The following DCX variants were observed in gnomAD, a reference collection of about 807,000 sequenced individuals.
The protein encoded by DCX is doublecortin, also known as neuronal migration protein doublecortin.
DCX carries 4 observed loss-of-function variants against 20.9 expected under a neutral mutation model. The ratio of observed to expected loss-of-function variants is 0.19; its 90% confidence interval spans 0.09 to 0.44. DCX has a LOEUF of 0.44. Ranked by LOEUF, DCX falls within the 20% of genes least tolerant of loss-of-function variation. DCX has a pLI of 0.99. For synonymous variants in DCX, 103 were observed against 111.4 expected (o/e 0.92, Z 0.47); for missense variants, 133 against 296.9 (o/e 0.45, Z 4.06).
At chrX:111,384,743 G>A (rs973878615) in intron 3 of DCX, among the ~76,000 whole-genome samples, 1 of 111,797 alleles carries the variant, frequency 8.9e-6, no homozygotes, top group Non-Finnish European at 1.9e-5. Context: ...CTGATGTCTG[G>A]GACTCTTGCC....
intron 5 of DCX, among the ~76,000 whole-genome samples, chrX:111,327,978 G>A (rs768974965): frequency 4.5e-5 from 5 of 112,331 alleles, no homozygotes; most frequent in Admixed American, 1.9e-4. Context: ...AAACATTCTG[G>A]CAATTGCCAT....
chrX:111,328,456 T>C (rs1400111685), intron 5 of DCX, among the ~76,000 whole-genome samples: 1 of 111,881 alleles, frequency 8.9e-6, no homozygotes, highest in Non-Finnish European at 1.9e-5. Context: ...TTATAGGTAG[T>C]TGTGTTCATG....
intron 4 of DCX, 83 bp downstream of exon 4, chrX:111,332,968 C>T: frequency 1.4e-6 from 1 of 730,695 alleles, no homozygotes; most frequent in Non-Finnish European, 2.1e-6. Flanking sequence ...TAGATGTTTT[C>T]CACACCATAC....
chrX:111,391,525 C>T (rs935700825), intron 3 of DCX, among the ~76,000 whole-genome samples: 8 of 111,185 alleles, frequency 7.2e-5, no homozygotes, highest in Non-Finnish European at 1.3e-4. Flanking sequence ...TGTGTCTGCC[C>T]GGCACCTTAC....
At chrX:111,390,981 G>A (rs942022668) in intron 3 of DCX, among the ~76,000 whole-genome samples, 2 of 93,873 alleles carry the variant, frequency 2.1e-5, no homozygotes, top group Non-Finnish European at 4.2e-5. Flanking sequence ...ATTCCAGTCT[G>A]GGCAATAGTG....
chrX:111,357,520 G>C (rs953929875), intron 3 of DCX, among the ~76,000 whole-genome samples: 3 of 112,021 alleles, frequency 2.7e-5, no homozygotes, highest in African/African-American at 6.5e-5. Flanking sequence ...GCTCACACCT[G>C]TAATCCTAGC....
chrX:111,345,442 C>T (rs1922717448), intron 3 of DCX, among the ~76,000 whole-genome samples: 1 of 111,841 alleles, frequency 8.9e-6, no homozygotes, highest in Non-Finnish European at 1.9e-5. Flanking sequence ...AAACTATCAT[C>T]AGAGTGAACA....
At chrX:111,354,825 C>T (rs748728246) in intron 3 of DCX, among the ~76,000 whole-genome samples, 10 of 112,749 alleles carry the variant, frequency 8.9e-5, no homozygotes, top group African/African-American at 3.2e-4. Context: ...TTTATAGCAG[C>T]AGGACAACCT....
chrX:111,298,314 A>C lies in DCX; in HGVS notation c.*3373T>G, dbSNP rs944435241. 5.4e-5 allele frequency: 6 copies of C among 111,587 alleles called. No homozygotes were observed. The Admixed American group carries it at 5.7e-4, about 11-fold the overall frequency. The allele number at this position is 111,587 out of a possible 1,213,427, so 9.2% of individuals were successfully genotyped here. A position where few individuals can be genotyped will look rare whatever the true frequency, so the allele number is the denominator to read the frequency against. On this transcript the variant is annotated 3_prime_UTR_variant, in exon 7 of 7. Transcript: ENST00000636035. ...TCAGATGGACAAGGCCAGGGACCCC[A>C]TTGCTCCTATTGGCCCTCAATGCCT...
intron 6 of DCX, among the ~76,000 whole-genome samples, chrX:111,304,323 A>T (rs2095040308): frequency 8.9e-6 from 1 of 112,287 alleles, no homozygotes; most frequent in South Asian, 3.7e-4. Flanking sequence ...CTTTTTCAGG[A>T]CTCTAAAAAT....
chrX:111,399,284 A>G (rs1025898388), intron 3 of DCX, among the ~76,000 whole-genome samples: 3 of 111,363 alleles, frequency 2.7e-5, no homozygotes, highest in Non-Finnish European at 5.6e-5. Context: ...TTTAATCCTC[A>G]TAAGAGTCCT....
chrX:111,374,639 C>T (rs1925382041), intron 3 of DCX, among the ~76,000 whole-genome samples: 1 of 110,322 alleles, frequency 9.1e-6, no homozygotes, highest in South Asian at 3.9e-4. Flanking sequence ...TGACAGGCAG[C>T]AGGAAGGGAA....
chrX:111,330,689 G>A (rs1002358729), intron 5 of DCX, among the ~76,000 whole-genome samples: 14 of 112,134 alleles, frequency 1.2e-4, no homozygotes, highest in Admixed American at 3.8e-4. Flanking sequence ...TAGACAATGG[G>A]CCAGGCTTCT....
At chrX:111,343,150 T>A (rs192313376) in intron 3 of DCX, among the ~76,000 whole-genome samples, 3,414 of 102,216 alleles carry the variant, frequency 0.033, 148 homozygotes, top group African/African-American at 0.12. Flanking sequence ...TTTTTTTTTT[T>A]AATTAACAAA....
chrX:111,345,861 CA>C (rs1276857476), intron 3 of DCX, among the ~76,000 whole-genome samples: 1 of 111,922 alleles, frequency 8.9e-6, no homozygotes, highest in Non-Finnish European at 1.9e-5. Context: ...TTCCCACCAA[CA>C]GCGTAAAAGC....
At chrX:111,402,807 GTGTGTGTGTGTGT>G (rs1927913519) in intron 2 of DCX, among the ~76,000 whole-genome samples, 1 of 107,249 alleles carries the variant, frequency 9.3e-6, no homozygotes, top group Non-Finnish European at 1.9e-5. Flanking sequence ...GTGTGTGTGT[GTGTGTGTGTGTGT>G]GCGGAGGGGG....
intron 3 of DCX, among the ~76,000 whole-genome samples, chrX:111,366,197 C>T (rs926379403): frequency 6.3e-5 from 7 of 111,987 alleles, no homozygotes; most frequent in African/African-American, 2.3e-4. Context: ...GCCTTGATAA[C>T]CTGACCTTGC....
intron 3 of DCX, among the ~76,000 whole-genome samples, chrX:111,344,742 G>A (rs36142413): frequency 9.0e-6 from 1 of 111,382 alleles, no homozygotes; most frequent in Non-Finnish European, 1.9e-5. Context: ...AAATAAGAGA[G>A]GACACAAACA....
intron 3 of DCX, among the ~76,000 whole-genome samples, chrX:111,338,376 G>A (rs765517821): frequency 6.3e-5 from 7 of 111,864 alleles, no homozygotes; most frequent in African/African-American, 1.6e-4. Context: ...CCAACAGTGT[G>A]CCTTGCCTAT....
Sources: allele counts gnomAD v4.1 joint callset (sites outside exome capture counted in the v4.1 genomes callset), GRCh38; gene constraint gnomAD v4.1.1; transcripts MANE v1.5; gene names NCBI Gene and HGNC (gene_info 2026-07-23, HGNC 2026-07-21).